HAAO: variants seen among roughly 807,000 people sequenced by gnomAD.
The protein encoded by HAAO is 3-hydroxyanthranilate 3,4-dioxygenase, also known as 3-hydroxyanthranilate oxygenase.
A neutral mutation model predicts 46.2 loss-of-function variants in HAAO; 49 were observed. The observed-to-expected ratio is 1.06, with a 90% CI of 0.84 to 1.34. The LOEUF is 1.34. Ranked by LOEUF, HAAO falls within the 40% of genes most tolerant of loss-of-function variation. The probability of loss-of-function intolerance (pLI) is 0.00; values close to 1 mark genes in which losing one functional copy is unlikely to be tolerated. For synonymous variants in HAAO, 157 were observed against 145.2 expected (o/e 1.08, Z -0.58); for missense variants, 408 against 364.5 (o/e 1.12, Z -0.97).
intron 1 of HAAO, among the ~76,000 whole-genome samples, chr2:42,789,908 A>T (rs1361380925): frequency 1.3e-5 from 2 of 152,216 alleles, no homozygotes; most frequent in East Asian, 3.9e-4. Context: ...GTGTCTGTGT[A>T]GGGCTTCAGG....
intron 1 of HAAO, 30 bp downstream of exon 1, chr2:42,792,427 A>AG: frequency 1.5e-6 from 2 of 1,295,338 alleles, no homozygotes; most frequent in Non-Finnish European, 2.1e-6. Context: ...AGGCGAGGGC[A>AG]GGGGGCGGCC....
chr2:42,790,331 C>A (rs961406398), intron 1 of HAAO, among the ~76,000 whole-genome samples: 13 of 151,882 alleles, frequency 8.6e-5, no homozygotes, highest in African/African-American at 3.1e-4. Flanking sequence ...CTTAAAGCTG[C>A]ATAGAGCTTC....
intron 4 of HAAO, among the ~76,000 whole-genome samples, chr2:42,781,647 T>C (rs1672007212): frequency 6.6e-6 from 1 of 152,130 alleles, no homozygotes; most frequent in Admixed American, 6.5e-5. Context: ...CCGAGGCAGA[T>C]GGGTCACCTG....
intron 4 of HAAO, among the ~76,000 whole-genome samples, chr2:42,777,465 T>C (rs1671671847): frequency 1.3e-5 from 2 of 152,060 alleles, no homozygotes. Flanking sequence ...GCTGAAAATA[T>C]AAAAAGGGGC....
At chr2:42,769,569 ATGTGTG>A (rs35746707) in intron 7 of HAAO, 138 bp downstream of exon 7, 15,298 of 585,736 alleles carry the variant, frequency 0.026, 123 homozygotes, top group South Asian at 0.07. Context: ...AACCTCTGAA[ATGTGTG>A]TGTGTGTGTG....
At chr2:42,788,732 C>T (rs1300834246) in intron 1 of HAAO, 125 bp from the exon 2 acceptor site, 3 of 710,564 alleles carry the variant, frequency 4.2e-6, no homozygotes, top group Non-Finnish European at 7.8e-6. Context: ...GTTTTGGCCT[C>T]ACTGTCCCTG....
chr2:42,782,726 C>G (rs1672096308), intron 4 of HAAO: 2 of 272,098 alleles, frequency 7.4e-6, no homozygotes, highest in Non-Finnish European at 1.5e-5. Context: ...AGAGGCTAAT[C>G]AGAAACTCAA....
chr2:42,782,965 C>A, intron 4 of HAAO: 1 of 442,556 alleles, frequency 2.3e-6, no homozygotes, highest in Non-Finnish European at 4.4e-6. Context: ...GTCACGGGCA[C>A]ACGTCCTCAA....
At chr2:42,772,952 A>C (rs1241385321) in intron 4 of HAAO, among the ~76,000 whole-genome samples, 1 of 151,544 alleles carries the variant, frequency 6.6e-6, no homozygotes, top group Non-Finnish European at 1.5e-5. Context: ...AAAAAAAAAA[A>C]AACCCAACCA....
At chr2:42,788,043 C>T (rs1175008965) in intron 2 of HAAO, among the ~76,000 whole-genome samples, 3 of 152,132 alleles carry the variant, frequency 2.0e-5, no homozygotes, top group African/African-American at 7.2e-5. Context: ...CCTACCATGC[C>T]TACCCCTCAG....
chr2:42,778,240 T>C (rs939307739), intron 4 of HAAO, among the ~76,000 whole-genome samples: 1 of 152,218 alleles, frequency 6.6e-6, no homozygotes, highest in African/African-American at 2.4e-5. Flanking sequence ...GGTTATTACA[T>C]CTGTGTATCT....
Position 42,783,825 on chromosome 2 carries a change from C to T in HAAO, c.202G>A (p.Glu68Lys). ...ACCACATCCCGGTGTTTCCCTTGCT[C>T]CAGGACTCGGAGAACCATGTCTCCC... ...LEGDMVLRVL[E>K]QGKHRDVVIR... The change falls in exon 3 of 10, where the codon GAG (glutamate) becomes AAG (lysine). Residue 68 changes from glutamate (E) to lysine (K), a missense_variant. Coordinates refer to ENST00000294973, the MANE Select transcript of HAAO (RefSeq NM_012205.3). The T allele has an allele frequency of 1.2e-6, 2 of 1,612,944 alleles. No individual in the cohort carries two copies. The highest frequency in any genetic ancestry group is 1.7e-6 in the Non-Finnish European group (2 of 1,179,592).
At chr2:42,772,793 T>C (rs1002516010) in intron 4 of HAAO, among the ~76,000 whole-genome samples, 5 of 152,152 alleles carry the variant, frequency 3.3e-5, no homozygotes, top group Non-Finnish European at 5.9e-5. Context: ...ATGCCTATTA[T>C]AACAAAAGAT....
intron 2 of HAAO, among the ~76,000 whole-genome samples, chr2:42,784,797 C>T (rs1353787108): frequency 6.6e-6 from 1 of 152,192 alleles, no homozygotes; most frequent in Non-Finnish European, 1.5e-5. Flanking sequence ...AAATAGTCAC[C>T]ACCCTTCTGA....
chr2:42,783,484 C>G, intron 3 of HAAO, 64 bp from the exon 4 acceptor site: 1 of 1,067,246 alleles, frequency 9.4e-7, no homozygotes. Context: ...TTAGCGCCCC[C>G]AACATCCTGG....
At chr2:42,773,977 A>G (rs564266687) in intron 4 of HAAO, among the ~76,000 whole-genome samples, 22 of 152,310 alleles carry the variant, frequency 1.4e-4, no homozygotes, top group African/African-American at 5.3e-4. Flanking sequence ...CTAATCGGAA[A>G]CTCAAAAGAA....
intron 4 of HAAO, among the ~76,000 whole-genome samples, chr2:42,778,087 C>T (rs1245637677): frequency 6.6e-6 from 1 of 151,614 alleles, no homozygotes; most frequent in Admixed American, 6.6e-5. Flanking sequence ...CTAAGCATAG[C>T]ATGAATGGTC....
chr2:42,779,346 C>G (rs975635096), intron 4 of HAAO, among the ~76,000 whole-genome samples: 1 of 148,828 alleles, frequency 6.7e-6, no homozygotes. Flanking sequence ...TTTTTTGAGA[C>G]AGAGTCTCAC....
chr2:42,792,553 TC>T lies in HAAO; in HGVS notation c.-18del. 6.5e-7 allele frequency: 1 copy of T among 1,539,074 alleles called. No homozygotes were observed. ...GCGCTCCATGACTGTCCCGGGCGCC[TC>T]CTCGCAGCGCTGTCCTCCCGCCGTC... On this transcript the variant is annotated 5_prime_UTR_variant, in exon 1 of 10. Coordinates refer to ENST00000294973, the MANE Select transcript of HAAO (RefSeq NM_012205.3).
Sources: allele counts gnomAD v4.1 joint callset (sites outside exome capture counted in the v4.1 genomes callset), GRCh38; gene constraint gnomAD v4.1.1; transcripts MANE v1.5; gene names NCBI Gene and HGNC (gene_info 2026-07-23, HGNC 2026-07-21).